CDH13: variants seen among roughly 807,000 people sequenced by gnomAD.
The protein encoded by CDH13 is cadherin 13, also known as cadherin-13.
In CDH13, 24 loss-of-function variants were observed where a neutral mutation model predicts 63.8. That is an observed-to-expected ratio of 0.38 (90% confidence interval 0.27 to 0.53). CDH13 has a LOEUF of 0.53. Ranked by LOEUF, CDH13 falls within the 20% of genes least tolerant of loss-of-function variation. The pLI is 0.85. For missense variants in CDH13, 1,049 were observed against 903.1 expected (o/e 1.16, Z -2.07); for synonymous variants, 503 against 355.3 (o/e 1.42, Z -4.67).
At chr16:83,014,830 GTATATATATTTGTA>G (rs1188634243) in intron 2 of CDH13, among the ~76,000 whole-genome samples, 6 of 95,230 alleles carry the variant, frequency 6.3e-5, no homozygotes, top group African/African-American at 2.0e-4. Flanking sequence ...ATATATATTT[GTATATATATTTGTA>G]TATATATATT....
At position 83,748,111 on chromosome 16, in the gene CDH13, T is replaced by C. The variant is rs1227772486; in HGVS notation, c.1542T>C (p.Tyr514=). The part of the protein sequence containing the change: ...PDSLQHQTIR[Y]SVYKDPAGWL... ...ACATTGTGGGGATTTTTTTCAGGTA[T>C]TCTGTTTACAAGGACCCAGCAGGTT... is the stretch of plus-strand genomic sequence containing the variant. Residue 514 remains tyrosine (Y), a synonymous_variant, in exon 11 of 14, where the codon TAT becomes TAC. Transcript: ENST00000567109. 3.1e-6 allele frequency: 5 copies of C among 1,613,888 alleles called. No individual in the cohort carries two copies. Among genetic ancestry groups the C allele is most frequent in the Non-Finnish European group, 4.2e-6 (5 of 1,179,836 alleles).
chr16:83,093,837 A>T (rs2151587950), intron 3 of CDH13, among the ~76,000 whole-genome samples: 1 of 152,348 alleles, frequency 6.6e-6, no homozygotes, highest in East Asian at 1.9e-4. Flanking sequence ...ACCAAAATCA[A>T]CAAGTGAAGT....
chr16:82,758,559 G>C (rs1269758881), intron 1 of CDH13, among the ~76,000 whole-genome samples: 3 of 152,152 alleles, frequency 2.0e-5, no homozygotes, highest in Non-Finnish European at 4.4e-5. Context: ...ACAGCTTATA[G>C]ATGGGTGCTC....
intron 2 of CDH13, among the ~76,000 whole-genome samples, chr16:82,979,376 A>G (rs1909958620): frequency 6.6e-6 from 1 of 152,080 alleles, no homozygotes; most frequent in South Asian, 2.1e-4. Context: ...GAGTGATATG[A>G]TTTGGCTGTG....
intron 1 of CDH13, among the ~76,000 whole-genome samples, chr16:82,673,137 C>G (rs931770356): frequency 2.0e-5 from 3 of 151,220 alleles, no homozygotes; most frequent in Non-Finnish European, 4.4e-5. Context: ...TCACTGTGCC[C>G]AGCCCCAGGA....
At position 83,602,519 on chromosome 16, in the gene CDH13, A is replaced by C; in HGVS notation, c.1026A>C (p.Gly342=). 1 of 1,613,968 alleles carries C rather than the reference A, an allele frequency of 6.2e-7. No individual in the cohort carries two copies. Among genetic ancestry groups the C allele is most frequent in the Non-Finnish European group, 8.5e-7 (1 of 1,179,844 alleles). Residue 342 remains glycine, a synonymous_variant, in exon 8 of 14, where the codon GGA becomes GGC. Transcript: ENST00000567109. ...AAGATATGGCTGGACTGGATGTTGGATTAACAGGCACGGCCACAGCCACGA... is the reference window on the plus strand; with the variant it reads ...AAGATATGGCTGGACTGGATGTTGGCTTAACAGGCACGGCCACAGCCACGA... ...EAQDMAGLDV[G]LTGTATATIM... is the part of the protein sequence containing the mutation.
chr16:83,552,772 T>C (rs1179857179), intron 7 of CDH13, among the ~76,000 whole-genome samples: 1 of 152,170 alleles, frequency 6.6e-6, no homozygotes, highest in Non-Finnish European at 1.5e-5. Flanking sequence ...ATCATGCCTG[T>C]GTTCAGTCTT....
chr16:83,358,969 C>T (rs777194356), intron 6 of CDH13, among the ~76,000 whole-genome samples: 1 of 152,146 alleles, frequency 6.6e-6, no homozygotes, highest in Non-Finnish European at 1.5e-5. Flanking sequence ...TCCAATAATG[C>T]ACACCATGAT....
At chr16:82,724,436 T>C (rs1402026793) in intron 1 of CDH13, among the ~76,000 whole-genome samples, 2 of 152,194 alleles carry the variant, frequency 1.3e-5, no homozygotes, top group Non-Finnish European at 2.9e-5. Context: ...GGTGCCATGA[T>C]TATCACTTAA....
At chr16:82,965,016 A>G (rs1372021464) in intron 2 of CDH13, among the ~76,000 whole-genome samples, 2 of 152,224 alleles carry the variant, frequency 1.3e-5, no homozygotes, top group African/African-American at 2.4e-5. Flanking sequence ...AAGTTTAGCA[A>G]TCGCTGAGTA....
At chr16:83,794,948 T>A (rs557479588) in intron 13 of CDH13, 75 bp from the exon 14 acceptor site, 1 of 1,389,320 alleles carries the variant, frequency 7.2e-7, no homozygotes, top group Non-Finnish European at 1.0e-6. Context: ...GCCTGTCATT[T>A]TTCTGGCTTT....
At chr16:83,591,911 A>G (rs562176035) in intron 7 of CDH13, among the ~76,000 whole-genome samples, 22 of 152,330 alleles carry the variant, frequency 1.4e-4, no homozygotes, top group African/African-American at 5.3e-4. Context: ...TTTAGGGATT[A>G]AAGGTCTCCC....
intron 3 of CDH13, among the ~76,000 whole-genome samples, chr16:83,101,106 C>T (rs1445508366): frequency 1.3e-5 from 2 of 151,940 alleles, no homozygotes; most frequent in African/African-American, 4.8e-5. Context: ...AGGGGTACAG[C>T]TGTGGAAAAC....
chr16:83,500,333 C>T (rs1409445300), intron 7 of CDH13, among the ~76,000 whole-genome samples: 1 of 1,874 alleles, frequency 5.3e-4, no homozygotes, highest in Non-Finnish European at 0.023. Context: ...CCTCCTCCTC[C>T]TCCTCCTCCT....
At chr16:83,233,344 C>T (rs934987700) in intron 5 of CDH13, among the ~76,000 whole-genome samples, 1 of 152,216 alleles carries the variant, frequency 6.6e-6, no homozygotes, top group South Asian at 2.1e-4. Flanking sequence ...TGCTTGCAGG[C>T]TTGGCTAGTC....
chr16:82,673,886 TA>T (rs1485603998), intron 1 of CDH13, among the ~76,000 whole-genome samples: 17 of 152,308 alleles, frequency 1.1e-4, no homozygotes, highest in Non-Finnish European at 2.5e-4. Context: ...CTGAGAAAAC[TA>T]AAATTCTATC....
intron 7 of CDH13, among the ~76,000 whole-genome samples, chr16:83,590,073 G>A (rs11859453): frequency 0.43 from 65,391 of 152,040 alleles, 15,044 homozygotes; most frequent in Admixed American, 0.59. Flanking sequence ...AACACTGAGT[G>A]AGGAGAACAA....
In CDH13 at chr16:83,271,422, T is replaced by TTAAA. The variant is rs1555522986; in HGVS notation, c.636+53925_636+53926insTAAA. 1.7e-3 allele frequency among the ~76,000 whole-genome samples: 45 copies of TTAAA among 26,028 alleles called. 12 individuals are homozygous for TTAAA. The highest frequency in any genetic ancestry group is 0.062 in the Middle Eastern group (2 of 32). The allele number at this position is 26,028 out of a possible 152,430, so 17.1% of individuals were successfully genotyped here. Reference sequence around the variant, plus strand: ...CTACCGCACATTGAGGCAGAGTTCATAAAAAAAAAAAAAAAAAAAAAAAAA... The same window carrying TTAAA: ...CTACCGCACATTGAGGCAGAGTTCATTAAAAAAAAAAAAAAAAAAAAAAAAAAAA... On this transcript the variant is annotated intron_variant, in intron 5 of 13. Coordinates refer to ENST00000567109, the MANE Select transcript of CDH13 (RefSeq NM_001257.5).
chr16:82,764,579 C>G (rs1351489550), intron 1 of CDH13, among the ~76,000 whole-genome samples: 1 of 152,158 alleles, frequency 6.6e-6, no homozygotes, highest in Non-Finnish European at 1.5e-5. Flanking sequence ...TTCATTTATT[C>G]TACAGATGTA....
Sources: gnomAD v4.1 joint callset for allele counts (sites outside exome capture counted in the v4.1 genomes callset) on GRCh38, gnomAD v4.1.1 for gene constraint, MANE v1.5 for transcripts, NCBI Gene and HGNC (gene_info 2026-07-23, HGNC 2026-07-21) for gene names.